MYH2: variants seen among roughly 807,000 people sequenced by gnomAD.
MYH2 encodes the protein myosin heavy chain 2.
A neutral mutation model predicts 228.1 loss-of-function variants in MYH2; 139 were observed. The ratio of observed to expected loss-of-function variants is 0.61; its 90% CI spans 0.53 to 0.70. MYH2 has a LOEUF of 0.70. Ranked by LOEUF, MYH2 falls within the 30% of genes least tolerant of loss-of-function variation. The pLI is 0.00. For missense variants in MYH2, 1,809 were observed against 2,357.5 expected (o/e 0.77, Z 4.82); for synonymous variants, 796 against 871.1 (o/e 0.91, Z 1.52).
rs138265883 is a variant in MYH2, at chr17:10,528,725, G to A, written c.3709C>T (p.Leu1237Phe). 9.7e-5 allele frequency: 156 copies of A among 1,613,990 alleles called. No homozygotes were observed. Among genetic ancestry groups the A allele is most frequent in the Non-Finnish European group, 1.3e-4 (153 of 1,180,010 alleles). ...KSEMKMEIDD[L>F]ASNVETVSKA... The stretch of plus-strand genomic sequence containing the variant: ...GAGACCGTTTCTACATTACTAGCAA[G>A]GTCATCAATCTCCATCTTCATCTCA... The change falls in exon 27 of 40, where the codon CTT becomes TTT. Residue 1237 changes from leucine (L) to phenylalanine (F), a missense_variant. By Grantham distance (22) the Leu-to-Phe change is conservative. This residue lies in a region of MYH2 where 636 missense variants were observed against 729.9 expected (regional missense o/e 0.87). Coordinates refer to ENST00000245503, the MANE Select transcript of MYH2 (RefSeq NM_017534.6).
At chr17:10,533,685 T>C (rs2142305993) in intron 19 of MYH2, 53 bp from the exon 20 acceptor site, 20 of 1,582,412 alleles carry the variant, frequency 1.3e-5, no homozygotes, top group Non-Finnish European at 1.7e-5. Context: ...ACACAAATGC[T>C]AGCTAAACAT....
chr17:10,532,251 T>C (rs2073433716), intron 21 of MYH2, among the ~76,000 whole-genome samples: 1 of 152,258 alleles, frequency 6.6e-6, no homozygotes, highest in South Asian at 2.1e-4. Flanking sequence ...GGAGCACCCT[T>C]TGAGAAGCCT....
Position 10,528,602 on chromosome 17 carries a change from G to T in MYH2, c.3744+88C>A, listed in dbSNP as rs1448940761. On this transcript the variant is annotated intron_variant, in intron 27 of 39. Coordinates refer to ENST00000245503, the MANE Select transcript of MYH2 (RefSeq NM_017534.6). ...CCCTGAATTACTGCAGTTAACAAATGACTTAATGTGTAAAAAGTGCCCTGT... is the reference window on the plus strand; with the variant it reads ...CCCTGAATTACTGCAGTTAACAAATTACTTAATGTGTAAAAAGTGCCCTGT... 10 of 1,586,990 alleles carry T rather than the reference G, an allele frequency of 6.3e-6. No individual in the cohort carries two copies. The Admixed American group carries it at 1.3e-4, about 21-fold the overall frequency.
At chr17:10,536,468 C>A in intron 17 of MYH2, 62 bp downstream of exon 17, 1 of 1,380,470 alleles carries the variant, frequency 7.2e-7, no homozygotes, top group African/African-American at 1.4e-5. Flanking sequence ...TTCAGAAAAA[C>A]AGACCCATGT....
intron 5 of MYH2, among the ~76,000 whole-genome samples, chr17:10,544,376 AT>A (rs2073598575): frequency 6.6e-6 from 1 of 152,214 alleles, no homozygotes; most frequent in Non-Finnish European, 1.5e-5. Flanking sequence ...GAGGAAAAAA[AT>A]TCTAAGATGA....
intron 10 of MYH2, 55 bp from the exon 11 acceptor site, chr17:10,540,752 A>C: frequency 6.9e-7 from 1 of 1,442,646 alleles, no homozygotes; most frequent in South Asian, 1.2e-5. Context: ...CATTAAAACA[A>C]GAGATTTCTA....
At chr17:10,521,873 T>C (rs1597446559) in intron 39 of MYH2, among the ~76,000 whole-genome samples, 1 of 152,304 alleles carries the variant, frequency 6.6e-6, no homozygotes, top group East Asian at 1.9e-4. Flanking sequence ...CATTTCAAAA[T>C]GGTTACTTTT....
rs1567736481 is a variant in MYH2 at position 10,543,201 on chromosome 17, A to G, written c.742-40T>C. On this transcript the variant is annotated intron_variant, in intron 8 of 39. Transcript: ENST00000245503. ...TAATATTACTACCTTTTTTTTATAT[A>G]ATATTAAATCTTTGAGAAATTCCAA... 21 of 1,414,474 alleles carry G rather than the reference A, an allele frequency of 1.5e-5. 1 individual carries two copies. Among genetic ancestry groups the G allele is most frequent in the Non-Finnish European group, 1.9e-5 (19 of 1,012,304 alleles). 87.6% of individuals were successfully genotyped at this position (1,414,474 alleles called of 1,614,324 possible).
In MYH2 at chr17:10,525,726, G is replaced by A. The variant is rs1329410668; in HGVS notation, c.4338C>T (p.Ala1446=). Residue 1446 remains alanine (A), a synonymous_variant, in exon 31 of 40, where the codon GCC becomes GCT. Coordinates refer to ENST00000245503, the MANE Select transcript of MYH2 (RefSeq NM_017534.6). This position sits in a 1 kb window ranked among gnomAD's most constrained non-coding sequence, Gnocchi z 4.2. ...LDVERTNAAC[A]ALDKKQRNFD... ...AGTTCCTTTGCTTTTTGTCAAGGGC[G>A]GCACAGGCGGCATTTGTCCTCTCCA... 9 of 1,614,016 alleles carry A rather than the reference G, an allele frequency of 5.6e-6. No homozygotes were observed. Among genetic ancestry groups the A allele is most frequent in the African/African-American group, 4.0e-5 (3 of 74,906 alleles).
At position 10,547,901 on chromosome 17, in the gene MYH2, A is replaced by C; in HGVS notation, c.20T>G (p.Leu7Trp). 1 of 1,614,170 alleles carries C rather than the reference A, an allele frequency of 6.2e-7. No homozygotes were observed. The change falls in exon 3 of 40, where the codon TTG (leucine) becomes TGG (tryptophan). Residue 7 changes from leucine (L) to tryptophan (W), a missense_variant. By Grantham distance (61) the Leu-to-Trp change is moderately conservative. Coordinates refer to ENST00000245503, the MANE Select transcript of MYH2 (RefSeq NM_017534.6). ...AGGAGCAGCCTCCCCAAAAACAGCC[A>C]ATTCTGAGTCTGAACTCATGGCTGC... MSSDSE[L>W]AVFGEAAPFL... is the part of the protein sequence containing the mutation.
intron 39 of MYH2, 26 bp from the exon 40 acceptor site, chr17:10,521,458 G>T (rs141450971): frequency 1.2e-6 from 2 of 1,612,142 alleles, no homozygotes; most frequent in African/African-American, 2.7e-5. Flanking sequence ...GAATTGTAAG[G>T]AACTCATACT....
At chr17:10,548,127 C>A (rs1487429120) in intron 2 of MYH2, among the ~76,000 whole-genome samples, 187 bp from the exon 3 acceptor site, 1 of 152,132 alleles carries the variant, frequency 6.6e-6, no homozygotes, top group Non-Finnish European at 1.5e-5. Context: ...TCTCTGTGTA[C>A]CCAATGCCGT....
At chr17:10,523,951 T>C (rs2073317384) in intron 35 of MYH2, 67 bp from the exon 36 acceptor site, 5 of 1,520,042 alleles carry the variant, frequency 3.3e-6, no homozygotes, top group Non-Finnish European at 4.5e-6. Context: ...AACCACTTCT[T>C]GAAAAAAATT....
rs370883162 is a variant in MYH2, at chr17:10,523,301, G to T, written c.5577+7C>A. 52 of 1,614,068 alleles carry T rather than the reference G, an allele frequency of 3.2e-5. No homozygotes were observed. In the African/African-American group the frequency reaches 5.9e-4, roughly 18 times the overall value. ...AGTGCTTAGCCGCTAAAAACTACTG[G>T]CTGTACCTGGTAAGTGAGTTCCTTC... On this transcript the variant is annotated splice_region_variant and intron_variant, in intron 38 of 39. Transcript: ENST00000245503.
rs752282524 is a variant in MYH2 at position 10,524,486 on chromosome 17, C to T, written c.5155G>A (p.Val1719Ile). 2.1e-5 allele frequency: 34 copies of T among 1,614,162 alleles called. No homozygotes were observed. The highest frequency in any genetic ancestry group is 2.8e-5 in the Non-Finnish European group (33 of 1,180,020). Residue 1719 changes from valine (V) to isoleucine (I), a missense_variant, in exon 35 of 40, where the codon GTT becomes ATT. Val to Ile is a conservative substitution (Grantham distance 29). Transcript: ENST00000245503. The surrounding 1 kb of genome is among the most constrained non-coding windows in gnomAD (Gnocchi z 4.7). Reference sequence around the variant, plus strand: ...CCCACCTGGGTGTGCAGTAGCTGAACACGCTCACTGGCATCCAGGAGCTCC... The same window carrying T: ...CCCACCTGGGTGTGCAGTAGCTGAATACGCTCACTGGCATCCAGGAGCTCC... ...EQELLDASER[V>I]QLLHTQNTSL... is the part of the protein sequence containing the mutation.
intron 1 of MYH2, 58 bp from the exon 2 acceptor site, chr17:10,549,475 C>G (rs2073674847): frequency 6.6e-6 from 1 of 152,626 alleles, no homozygotes; most frequent in Non-Finnish European, 1.5e-5. Context: ...GGGAAAAAAT[C>G]CCATTTATGG....
chr17:10,524,451 T>G lies in MYH2; in HGVS notation c.5175+15A>C, dbSNP rs562742614. The G allele has an allele frequency of 6.2e-7, 1 of 1,614,100 alleles. No homozygotes were observed. The highest frequency in any genetic ancestry group is 1.3e-5 in the African/African-American group (1 of 75,068). ...ATAAAATTTACTAAGGAGAGTTCTTTGTGCTGAATCCCACCTGGGTGTGCA... is the reference window on the plus strand; with the variant it reads ...ATAAAATTTACTAAGGAGAGTTCTTGGTGCTGAATCCCACCTGGGTGTGCA... On this transcript the variant is annotated intron_variant, in intron 35 of 39. Transcript: ENST00000245503. The surrounding 1 kb of genome is among the most constrained non-coding windows in gnomAD (Gnocchi z 4.7).
intron 29 of MYH2, 45 bp from the exon 30 acceptor site, chr17:10,526,840 T>G (rs2073361953): frequency 6.2e-7 from 1 of 1,614,022 alleles, no homozygotes; most frequent in African/African-American, 1.3e-5. Context: ...ATTTAAATAT[T>G]TAACTCTTAA....
In MYH2 at chr17:10,523,026, C is replaced by T. The variant is rs7223755; in HGVS notation, c.5673+64G>A. 0.55 allele frequency: 639,748 copies of T among 1,159,706 alleles called. 182,343 individuals carry two copies. The highest frequency in any genetic ancestry group is 0.6 in the Non-Finnish European group (464,040 of 771,850). 71.8% of individuals were successfully genotyped at this position (1,159,706 alleles called of 1,614,324 possible). On this transcript the variant is annotated intron_variant, in intron 39 of 39. Coordinates refer to ENST00000245503, the MANE Select transcript of MYH2 (RefSeq NM_017534.6). ...TAGTCTTTAAAGCAAACAGCTTGTT[C>T]ACTACAAGAAGTAGTAATTATTTAT...
Sources: gnomAD v4.1 joint callset for allele counts (sites outside exome capture counted in the v4.1 genomes callset) on GRCh38, gnomAD v4.1.1 for gene constraint, gnomAD v4.1.1 regional missense constraint, Gnocchi (gnomAD v3.1) non-coding constraint, MANE v1.5 for transcripts, NCBI Gene and HGNC (gene_info 2026-07-23, HGNC 2026-07-21) for gene names.